Variants in CSMD1 observed in about 807,000 individuals in gnomAD.
CSMD1 encodes CUB and Sushi multiple domains 1.
Under a neutral mutation model 417.5 loss-of-function variants are expected in CSMD1, and 213 were observed. That is an observed-to-expected ratio of 0.51 (90% CI 0.46 to 0.57). The LOEUF (loss-of-function observed/expected upper bound fraction) is 0.57. CSMD1 is among the 20% of genes least tolerant of loss of function. The pLI, the probability that CSMD1 is intolerant of heterozygous loss-of-function variation, is 0.00. For missense variants in CSMD1, 6,923 were observed against 4,529.7 expected, an observed-to-expected ratio of 1.53 and a Z score of -15.17; for synonymous variants, 2,862 against 1,736.8, an observed-to-expected ratio of 1.65 and a Z score of -16.11.
At chr8:2,979,511 A>C (rs143686853) in intron 54 of CSMD1, among the ~76,000 whole-genome samples, 2 of 152,270 alleles carry the variant, frequency 1.3e-5, no homozygotes, top group East Asian at 3.9e-4. Context: ...AACTCTGATT[A>C]CCTCATGCTT....
chr8:4,484,754 G>C (rs1022737009), intron 2 of CSMD1, among the ~76,000 whole-genome samples: 31 of 152,062 alleles, frequency 2.0e-4, no homozygotes, highest in African/African-American at 7.5e-4. Context: ...CGGATCACGA[G>C]GTCAGGAGAT....
At position 3,366,711 on chromosome 8, in the gene CSMD1, C is replaced by A. The variant is rs28737291; in HGVS notation, c.3115+321G>T. Among the ~76,000 whole-genome samples, 563 of 152,252 alleles carry A rather than the reference C, an allele frequency of 3.7e-3. 1 individual carries two copies. Among genetic ancestry groups the A allele is most frequent in the African/African-American group, 0.013 (547 of 41,536 alleles). On this transcript the variant is annotated intron_variant, in intron 20 of 69. Coordinates refer to ENST00000635120, the MANE Select transcript of CSMD1 (RefSeq NM_033225.6). ...TGCCTCCCAATAAAGGAACTTTCCTCAGAGATCTTGTAGAGTTGGTGAAGA... is the reference window on the plus strand; with the variant it reads ...TGCCTCCCAATAAAGGAACTTTCCTAAGAGATCTTGTAGAGTTGGTGAAGA...
intron 3 of CSMD1, among the ~76,000 whole-genome samples, chr8:4,040,202 G>C (rs10503227): frequency 0.15 from 22,725 of 152,090 alleles, 2,426 homozygotes; most frequent in East Asian, 0.39. Flanking sequence ...GAAGGACATC[G>C]TAGTTTTTCA....
At chr8:2,955,460 A>C (rs1282106777) in intron 64 of CSMD1, 129 bp downstream of exon 64, 6 of 781,084 alleles carry the variant, frequency 7.7e-6, no homozygotes, top group Non-Finnish European at 1.2e-5. Context: ...AGCACGACTG[A>C]GGCAGGTGGC....
At position 3,751,362 on chromosome 8, in the gene CSMD1, C is replaced by G. The variant is rs895054683; in HGVS notation, c.931+2568G>C. Among the ~76,000 whole-genome samples the G allele has an allele frequency of 2.8e-5, 4 of 143,236 alleles. No individual in the cohort carries two copies. In the South Asian group the frequency reaches 6.7e-4, roughly 24 times the overall value. 94.0% of individuals were successfully genotyped at this position (143,236 alleles called of 152,430 possible). A position where few individuals can be genotyped will look rare whatever the true frequency, so the allele number is the denominator to read the frequency against. On this transcript the variant is annotated intron_variant, in intron 6 of 69. Transcript: ENST00000635120. ...TATATACACGAACACACATCTACAT[C>G]TATATATAAATTATTTATATATTTC...
chr8:4,083,300 C>T (rs564825557), intron 3 of CSMD1, among the ~76,000 whole-genome samples: 230 of 152,074 alleles, frequency 1.5e-3, no homozygotes, highest in African/African-American at 5.0e-3. Context: ...TTTTAATGAT[C>T]GCCATTCTAA....
intron 7 of CSMD1, among the ~76,000 whole-genome samples, chr8:3,632,861 T>A (rs1336159401): frequency 2.0e-5 from 3 of 152,206 alleles, no homozygotes; most frequent in Non-Finnish European, 4.4e-5. Context: ...TGGTTAGTGA[T>A]CCTGTTTTAA....
intron 2 of CSMD1, among the ~76,000 whole-genome samples, chr8:4,554,579 A>G (rs1186018516): frequency 3.3e-5 from 5 of 152,222 alleles, no homozygotes; most frequent in African/African-American, 1.2e-4. Context: ...GAAGCTGTAT[A>G]TGACATTTAA....
At chr8:4,183,706 C>T (rs1798507055) in intron 3 of CSMD1, among the ~76,000 whole-genome samples, 1 of 152,172 alleles carries the variant, frequency 6.6e-6, no homozygotes, top group Non-Finnish European at 1.5e-5. Context: ...TTAAAACTAT[C>T]AAATGATGAA....
intron 3 of CSMD1, among the ~76,000 whole-genome samples, chr8:4,109,961 A>C (rs1801766059): frequency 6.6e-6 from 1 of 152,158 alleles, no homozygotes; most frequent in African/African-American, 2.4e-5. Flanking sequence ...ATAATACTCT[A>C]TGAAAAAGTC....
chr8:3,999,448 A>T (rs1359397833), intron 4 of CSMD1, among the ~76,000 whole-genome samples: 2 of 152,158 alleles, frequency 1.3e-5, no homozygotes, highest in Non-Finnish European at 2.9e-5. Context: ...TCTTTCAGCG[A>T]TGTTCGTTTT....
At chr8:3,651,691 T>A (rs766894410) in intron 7 of CSMD1, among the ~76,000 whole-genome samples, 5 of 152,002 alleles carry the variant, frequency 3.3e-5, no homozygotes, top group Admixed American at 6.6e-5. Context: ...CTTAACACCA[T>A]CAGAGCGCTT....
At chr8:3,188,211 T>G (rs1159152710) in intron 35 of CSMD1, among the ~76,000 whole-genome samples, 2 of 128,832 alleles carry the variant, frequency 1.6e-5, no homozygotes, top group Admixed American at 7.8e-5. Flanking sequence ...GAAAATCATC[T>G]ACATGTCTAT....
chr8:3,434,387 T>A (rs142580063), intron 12 of CSMD1, among the ~76,000 whole-genome samples: 2 of 152,328 alleles, frequency 1.3e-5, no homozygotes, highest in East Asian at 3.9e-4. Flanking sequence ...ATTTAATTTC[T>A]TCTGAGCATT....
chr8:4,549,396 AAC>A (rs1189782298), intron 2 of CSMD1, among the ~76,000 whole-genome samples: 1 of 152,216 alleles, frequency 6.6e-6, no homozygotes, highest in Non-Finnish European at 1.5e-5. Flanking sequence ...AAAACACAGT[AAC>A]AGTTTTCTAA....
chr8:4,763,790 C>T lies in CSMD1; in HGVS notation c.86-126232G>A, dbSNP rs1279000969. On this transcript the variant is annotated intron_variant, in intron 1 of 69. Transcript: ENST00000635120. ...CGTTTCTAACTATATGTTAACTTATCTAAAAGACTGCAATTAAAATTATTA... is the reference window on the plus strand; with the variant it reads ...CGTTTCTAACTATATGTTAACTTATTTAAAAGACTGCAATTAAAATTATTA... 7.2e-5 allele frequency among the ~76,000 whole-genome samples: 11 copies of T among 152,252 alleles called. No individual in the cohort carries two copies. The East Asian group carries it at 2.1e-3, about 29-fold the overall frequency.
At chr8:3,759,926 A>AC (rs1491470123) in intron 5 of CSMD1, among the ~76,000 whole-genome samples, 2 of 132,400 alleles carry the variant, frequency 1.5e-5, no homozygotes, top group East Asian at 4.3e-4. Flanking sequence ...AAAAAAAAAA[A>AC]TGAGGAACGG....
At chr8:4,696,913 C>T (rs1807173210) in intron 1 of CSMD1, among the ~76,000 whole-genome samples, 2 of 152,206 alleles carry the variant, frequency 1.3e-5, no homozygotes, top group South Asian at 4.1e-4. Flanking sequence ...GTGGCTCATT[C>T]CTGTAATCCC....
intron 5 of CSMD1, among the ~76,000 whole-genome samples, chr8:3,806,547 C>G (rs1010937346): frequency 1.3e-5 from 2 of 152,180 alleles, no homozygotes; most frequent in African/African-American, 4.8e-5. Context: ...TCACTACCTA[C>G]ACGCACACTT....
Sources: gnomAD v4.1 joint callset for allele counts (sites outside exome capture counted in the v4.1 genomes callset) on GRCh38, gnomAD v4.1.1 for gene constraint, MANE v1.5 for transcripts, NCBI Gene and HGNC (gene_info 2026-07-23, HGNC 2026-07-21) for gene names.